GAN: variants seen among roughly 807,000 people sequenced by gnomAD.
GAN encodes the protein epididymis secretory sperm binding protein.
In GAN, 48 loss-of-function variants were observed where a neutral mutation model predicts 71.3. That is an observed-to-expected ratio of 0.67 (90% confidence interval 0.53 to 0.86). GAN has a LOEUF of 0.86. GAN is among the 40% of genes least tolerant of loss of function. GAN has a pLI of 0.00. For synonymous variants in GAN, 386 were observed against 276.8 expected (o/e 1.39, Z -3.92); for missense variants, 928 against 770.1 (o/e 1.21, Z -2.43).
At chr16:81,342,938 A>G (rs547859927) in intron 1 of GAN, among the ~76,000 whole-genome samples, 2 of 152,202 alleles carry the variant, frequency 1.3e-5, no homozygotes, top group Non-Finnish European at 2.9e-5. Flanking sequence ...AAAAATGATA[A>G]AGGGGATATC....
At chr16:81,321,730 CACAAG>C (rs1854707618) in intron 1 of GAN, among the ~76,000 whole-genome samples, 2 of 152,280 alleles carry the variant, frequency 1.3e-5, no homozygotes, top group South Asian at 4.1e-4. Context: ...TTCTGAAAGA[CACAAG>C]ACTATCATTT....
rs1490997542 is a variant in GAN, at chr16:81,356,913, C to T, written c.762C>T (p.Ser254=). 4 of 1,613,590 alleles carry T rather than the reference C, an allele frequency of 2.5e-6. No individual in the cohort carries two copies. The highest frequency in any genetic ancestry group is 2.2e-5 in the East Asian group (1 of 44,890). ...AAGAGTGTAGCAATATACCGCTCAG[C>T]CAGCCGCAGCAAGGGGAGGCGATGC... is the stretch of plus-strand genomic sequence containing the variant. ...IVKECSNIPL[S]QPQQGEAMLA... Residue 254 remains serine (S), a synonymous_variant, in exon 4 of 11, where the codon AGC becomes AGT. Coordinates refer to ENST00000648994, the MANE Select transcript of GAN (RefSeq NM_022041.4).
At chr16:81,373,987 C>T (rs1336595662) in intron 9 of GAN, among the ~76,000 whole-genome samples, 4 of 152,260 alleles carry the variant, frequency 2.6e-5, no homozygotes, top group South Asian at 2.1e-4. Flanking sequence ...GTGATCCACC[C>T]GCCTGGGCCT....
chr16:81,354,651 A>C lies in GAN; in HGVS notation c.529A>C (p.Lys177Gln). Residue 177 changes from lysine to glutamine, a missense_variant, in exon 3 of 11, where the codon AAG (lysine) becomes CAG (glutamine). Physicochemically the swap from Lys to Gln is moderately conservative, Grantham distance 53. Transcript: ENST00000648994. ...AGAATTCTTAGAGCTGAGTCCTCAA[A>C]AGCTTAAAGAAGTGATTTCTCTTGA... ...TEEFLELSPQ[K>Q]LKEVISLEKL... 6.2e-7 allele frequency: 1 copy of C among 1,613,582 alleles called. No homozygotes were observed. Among genetic ancestry groups the C allele is most frequent in the Non-Finnish European group, 8.5e-7 (1 of 1,179,422 alleles).
At chr16:81,360,663 A>G (rs530163273) in intron 5 of GAN, among the ~76,000 whole-genome samples, 4 of 151,700 alleles carry the variant, frequency 2.6e-5, no homozygotes, top group East Asian at 3.9e-4. Flanking sequence ...TCTTATTTCT[A>G]TAGTTCCCTG....
intron 4 of GAN, 23 bp from the exon 5 acceptor site, chr16:81,357,787 T>C (rs1910539690): frequency 6.2e-7 from 1 of 1,607,292 alleles, no homozygotes; most frequent in African/African-American, 1.3e-5. Flanking sequence ...CATTAACTAC[T>C]GATCACTTAT....
intron 1 of GAN, among the ~76,000 whole-genome samples, chr16:81,338,529 TAAAA>T (rs984111082): frequency 9.2e-5 from 14 of 151,780 alleles, no homozygotes; most frequent in African/African-American, 3.4e-4. Context: ...AAATTCTAGA[TAAAA>T]AAGGGAAATC....
intron 9 of GAN, among the ~76,000 whole-genome samples, chr16:81,373,089 T>C (rs759920832): frequency 6.6e-6 from 1 of 152,222 alleles, no homozygotes; most frequent in Non-Finnish European, 1.5e-5. Flanking sequence ...ATTCAAAATG[T>C]GGAAGCCACC....
intron 9 of GAN, among the ~76,000 whole-genome samples, chr16:81,367,437 G>A (rs1910896522): frequency 6.6e-6 from 1 of 152,142 alleles, no homozygotes; most frequent in Non-Finnish European, 1.5e-5. Flanking sequence ...GCTGAGGCAT[G>A]AGAATTGGTT....
intron 9 of GAN, among the ~76,000 whole-genome samples, chr16:81,369,684 C>T (rs1428762435): frequency 2.6e-5 from 4 of 152,126 alleles, no homozygotes; most frequent in East Asian, 1.9e-4. Context: ...CTCCACCTGC[C>T]GGGTTCACAC....
intron 3 of GAN, 82 bp from the exon 4 acceptor site, chr16:81,356,703 A>G (rs1195041475): frequency 6.1e-6 from 6 of 983,450 alleles, no homozygotes; most frequent in Admixed American, 3.4e-5. Flanking sequence ...TTTGTTTTCC[A>G]TGAGGTGGAA....
At chr16:81,357,634 G>A (rs1288981582) in intron 4 of GAN, among the ~76,000 whole-genome samples, 176 bp from the exon 5 acceptor site, 1 of 152,196 alleles carries the variant, frequency 6.6e-6, no homozygotes, top group Non-Finnish European at 1.5e-5. Flanking sequence ...TAATGGGATG[G>A]CTGGGTCAAA....
At chr16:81,361,835 T>C (rs984563414) in intron 5 of GAN, among the ~76,000 whole-genome samples, 8 of 152,150 alleles carry the variant, frequency 5.3e-5, no homozygotes, top group Admixed American at 2.0e-4. Flanking sequence ...GTTGAGACTA[T>C]AGACAAATAC....
intron 1 of GAN, among the ~76,000 whole-genome samples, chr16:81,325,916 C>T (rs1176156380): frequency 1.3e-5 from 2 of 152,202 alleles, no homozygotes; most frequent in Non-Finnish European, 2.9e-5. Flanking sequence ...GTTTTGCTTT[C>T]TGCATGTGTT....
At chr16:81,336,112 A>G (rs766904056) in intron 1 of GAN, among the ~76,000 whole-genome samples, 11 of 152,174 alleles carry the variant, frequency 7.2e-5, no homozygotes, top group African/African-American at 2.4e-4. Context: ...CTGTAGGAAG[A>G]GCACCTTGGT....
chr16:81,332,405 A>G (rs1374263218), intron 1 of GAN, among the ~76,000 whole-genome samples: 3 of 152,168 alleles, frequency 2.0e-5, no homozygotes, highest in African/African-American at 7.2e-5. Context: ...TCCTTGACTC[A>G]TATTTAACTG....
intron 1 of GAN, among the ~76,000 whole-genome samples, chr16:81,315,646 A>G (rs1909010972): frequency 1.3e-5 from 2 of 152,166 alleles, no homozygotes; most frequent in South Asian, 2.1e-4. Flanking sequence ...CGGGACCCGC[A>G]CCTGCGGGCT....
intron 9 of GAN, among the ~76,000 whole-genome samples, chr16:81,373,684 C>T (rs1313862436): frequency 1.3e-5 from 2 of 152,324 alleles, no homozygotes. Context: ...CAGATCCAAT[C>T]CAGGATTCTA....
At chr16:81,344,427 C>G (rs1018129315) in intron 1 of GAN, among the ~76,000 whole-genome samples, 2 of 152,114 alleles carry the variant, frequency 1.3e-5, no homozygotes, top group African/African-American at 4.8e-5. Context: ...GATATATAGA[C>G]CAATGGAACA....
Sources: gnomAD v4.1 joint callset for allele counts (sites outside exome capture counted in the v4.1 genomes callset) on GRCh38, gnomAD v4.1.1 for gene constraint, MANE v1.5 for transcripts, NCBI Gene and HGNC (gene_info 2026-07-23, HGNC 2026-07-21) for gene names.